Variants in MTHFD2 observed in about 807,000 individuals in gnomAD.
MTHFD2 encodes methylenetetrahydrofolate dehydrogenase (NADP+ dependent) 2, methenyltetrahydrofolate cyclohydrolase.
A neutral mutation model predicts 36.8 loss-of-function variants in MTHFD2; 26 were observed. That is an observed-to-expected ratio of 0.71 (90% CI 0.52 to 0.98). The LOEUF is 0.98. Ranked by LOEUF, MTHFD2 falls within the 50% of genes least tolerant of loss-of-function variation. The pLI is 0.00. For missense variants in MTHFD2, 373 were observed against 434.0 expected, an observed-to-expected ratio of 0.86 and a Z score of 1.25; for synonymous variants, 164 against 155.2, an observed-to-expected ratio of 1.06 and a Z score of -0.42.
intron 7 of MTHFD2, among the ~76,000 whole-genome samples, chr2:74,213,064 C>G (rs940725164): frequency 6.6e-6 from 1 of 151,622 alleles, no homozygotes; most frequent in Non-Finnish European, 1.5e-5. Context: ...GCCACCATGC[C>G]GGCTAATTTT....
In MTHFD2 at chr2:74,214,209, G is replaced by A. The variant is rs1205881069; in HGVS notation, c.1020G>A (p.Leu340=). ...KVLRLEEREV[L]KSKELGVATN is the part of the protein sequence containing the mutation. ...TGAGGCTTGAAGAGCGAGAAGTGCT[G>A]AAGTCTAAAGAGCTTGGGGTAGCCA... Residue 340 remains leucine (L), a synonymous_variant, in exon 8 of 8, where the codon CTG becomes CTA. Transcript: ENST00000394053. 1 of 1,614,034 alleles carries A rather than the reference G, an allele frequency of 6.2e-7. No homozygotes were observed. Among genetic ancestry groups the A allele is most frequent in the Admixed American group, 1.7e-5 (1 of 60,010 alleles).
chr2:74,204,710 A>G (rs1408647237), intron 1 of MTHFD2, among the ~76,000 whole-genome samples: 2 of 152,168 alleles, frequency 1.3e-5, no homozygotes, highest in African/African-American at 4.8e-5. Context: ...CAACTGTGAG[A>G]AGGAGCTTCC....
At chr2:74,212,863 C>A (rs1694337790) in intron 7 of MTHFD2, among the ~76,000 whole-genome samples, 1 of 151,932 alleles carries the variant, frequency 6.6e-6, no homozygotes, top group Non-Finnish European at 1.5e-5. Context: ...AAAAACCATA[C>A]CCCTGAAATA....
At chr2:74,211,120 A>G in intron 5 of MTHFD2, 79 bp from the exon 6 acceptor site, 1 of 911,088 alleles carries the variant, frequency 1.1e-6, no homozygotes, top group East Asian at 2.5e-5. Context: ...TTGAGTTTCT[A>G]CAATGACTTG....
intron 4 of MTHFD2, 48 bp downstream of exon 4, chr2:74,208,769 G>T: frequency 6.3e-7 from 1 of 1,582,886 alleles, no homozygotes; most frequent in Non-Finnish European, 8.6e-7. Context: ...TATAAAAGTA[G>T]TACTGGCAAA....
intron 1 of MTHFD2, among the ~76,000 whole-genome samples, chr2:74,202,397 T>C (rs897240566): frequency 6.6e-5 from 10 of 152,294 alleles, no homozygotes; most frequent in African/African-American, 2.2e-4. Flanking sequence ...TTTCACTCTG[T>C]AGTGTTCCAG....
rs1261329482 is a variant in MTHFD2, at chr2:74,216,675, T to G, written c.*2433T>G. On this transcript the variant is annotated 3_prime_UTR_variant, in exon 8 of 8. Transcript: ENST00000394053. ...CCTGGCTGGAGTGCAGTGGCATGAT[T>G]ATAGCTCACTGCAGCCTTGAACTCC... The G allele has an allele frequency of 6.6e-6, 1 of 152,156 alleles. No individual in the cohort carries two copies. The highest frequency in any genetic ancestry group is 1.9e-4 in the East Asian group (1 of 5,196). 9.4% of individuals were successfully genotyped at this position (152,156 alleles called of 1,614,324 possible). A position where few individuals can be genotyped will look rare whatever the true frequency, so the allele number is the denominator to read the frequency against.
chr2:74,212,023 C>T (rs1263888421), intron 7 of MTHFD2, among the ~76,000 whole-genome samples, 157 bp downstream of exon 7: 2 of 140,988 alleles, frequency 1.4e-5, no homozygotes, highest in East Asian at 4.1e-4. Context: ...GATCTCGGCT[C>T]ACTGCAACCT....
At chr2:74,211,405 C>A in intron 6 of MTHFD2, 114 bp downstream of exon 6, 1 of 676,790 alleles carries the variant, frequency 1.5e-6, no homozygotes, top group Non-Finnish European at 2.5e-6. Flanking sequence ...TGTAATGATT[C>A]TTTGAGCTGC....
rs756714200 is a variant in MTHFD2, at chr2:74,214,219, G to T, written c.1030G>T (p.Glu344Ter). Reference sequence around the variant, plus strand: ...AGAGCGAGAAGTGCTGAAGTCTAAAGAGCTTGGGGTAGCCACTAATTAACT... The same window carrying T: ...AGAGCGAGAAGTGCTGAAGTCTAAATAGCTTGGGGTAGCCACTAATTAACT... ...LEEREVLKSK[E>*]LGVATN is the part of the protein sequence containing the mutation. Residue 344 changes from glutamate to a stop codon, truncating the protein, a stop_gained, in exon 8 of 8, where the codon GAG becomes TAG. Transcript: ENST00000394053. LOFTEE classifies it high-confidence loss of function. 6 of 1,613,880 alleles carry T rather than the reference G, an allele frequency of 3.7e-6. No homozygotes were observed. The African/African-American group carries it at 6.7e-5, about 18-fold the overall frequency.
rs752050735 is a variant in MTHFD2 at position 74,205,452 on chromosome 2, A to G, written c.102-253A>G. On this transcript the variant is annotated intron_variant, in intron 1 of 7. Transcript: ENST00000394053. ...ACTCCCTGAGCTTCAAATTAATGAT[A>G]ATAATGATTTCTATCAACTTTATCC... 2.6e-4 allele frequency among the ~76,000 whole-genome samples: 39 copies of G among 152,116 alleles called. 1 individual carries two copies. Among genetic ancestry groups the G allele is most frequent in the Admixed American group, 5.2e-4 (8 of 15,262 alleles).
chr2:74,203,476 A>G (rs1324817576), intron 1 of MTHFD2, among the ~76,000 whole-genome samples: 1 of 152,188 alleles, frequency 6.6e-6, no homozygotes, highest in African/African-American at 2.4e-5. Context: ...AAGCTTTAAA[A>G]TCCCATTTAA....
Position 74,211,838 on chromosome 2 carries a change from C to G in MTHFD2, c.861C>G (p.Pro287=). Residue 287 remains proline (P), a synonymous_variant, in exon 7 of 8, where the codon CCC becomes CCG. Coordinates refer to ENST00000394053, the MANE Select transcript of MTHFD2 (RefSeq NM_006636.4). Reference sequence around the variant, plus strand: ...TTCACGATCCTGTAACTGCCAAACCCAAGTTGGTTGGAGATGTGGATTTTG... The same window carrying G: ...TTCACGATCCTGTAACTGCCAAACCGAAGTTGGTTGGAGATGTGGATTTTG... ...NRVHDPVTAK[P]KLVGDVDFEG... 1.2e-6 allele frequency: 2 copies of G among 1,610,492 alleles called. No homozygotes were observed. Among genetic ancestry groups the G allele is most frequent in the Non-Finnish European group, 1.7e-6 (2 of 1,179,336 alleles).
chr2:74,209,628 C>A (rs1044683143), intron 4 of MTHFD2, among the ~76,000 whole-genome samples: 3 of 151,952 alleles, frequency 2.0e-5, no homozygotes, highest in African/African-American at 7.3e-5. Flanking sequence ...AACTCCTGGC[C>A]TCAAGCAATT....
At chr2:74,209,119 C>G (rs188961361) in intron 4 of MTHFD2, among the ~76,000 whole-genome samples, 1 of 152,118 alleles carries the variant, frequency 6.6e-6, no homozygotes, top group Non-Finnish European at 1.5e-5. Flanking sequence ...GATCCGCCCC[C>G]TCAGCCTCCC....
chr2:74,208,461 A>G, intron 3 of MTHFD2, 108 bp from the exon 4 acceptor site: 3 of 1,293,620 alleles, frequency 2.3e-6, no homozygotes, highest in Non-Finnish European at 3.2e-6. Context: ...TACATCTCAG[A>G]GGCAAGCTGT....
chr2:74,211,890 A>T (rs1558857278), intron 7 of MTHFD2, 24 bp downstream of exon 7: 1 of 1,597,306 alleles, frequency 6.3e-7, no homozygotes, highest in Non-Finnish European at 8.5e-7. Context: ...TTTTATTTTT[A>T]AAAATGAAAT....
chr2:74,211,154 C>T, intron 5 of MTHFD2, 45 bp from the exon 6 acceptor site: 1 of 1,294,238 alleles, frequency 7.7e-7, no homozygotes, highest in East Asian at 2.3e-5. Flanking sequence ...TAATCCAATC[C>T]CAGCTTTGTG....
intron 1 of MTHFD2, among the ~76,000 whole-genome samples, chr2:74,200,808 CAT>C (rs1166081511): frequency 6.6e-6 from 1 of 152,050 alleles, no homozygotes. Context: ...TTCCTTTCTC[CAT>C]TATGTCTTCC....
Sources: allele counts gnomAD v4.1 joint callset (sites outside exome capture counted in the v4.1 genomes callset), GRCh38; gene constraint gnomAD v4.1.1; transcripts MANE v1.5; gene names NCBI Gene and HGNC (gene_info 2026-07-23, HGNC 2026-07-21).